NRXN3: variants seen among roughly 807,000 people sequenced by gnomAD.
NRXN3 encodes neurexin III.
NRXN3 carries 32 observed loss-of-function variants against 137.6 expected under a neutral mutation model. That is an observed-to-expected ratio of 0.23 (90% confidence interval 0.18 to 0.31). The LOEUF is 0.31. Ranked by LOEUF, NRXN3 falls within the 10% of genes least tolerant of loss-of-function variation. NRXN3 has a pLI of 1.00. For synonymous variants in NRXN3, 798 were observed against 784.5 expected, an observed-to-expected ratio of 1.02 and a Z score of -0.29; for missense variants, 1,574 against 2,062.5, an observed-to-expected ratio of 0.76 and a Z score of 4.59.
chr14:79,530,865 G>T (rs2097163849), intron 16 of NRXN3, among the ~76,000 whole-genome samples: 1 of 152,050 alleles, frequency 6.6e-6, no homozygotes, highest in African/African-American at 2.4e-5. Flanking sequence ...CCTTTTTCTT[G>T]AATTGATGGA....
chr14:79,681,743 ATT>A (rs113416580), intron 17 of NRXN3, among the ~76,000 whole-genome samples: 31 of 142,656 alleles, frequency 2.2e-4, no homozygotes, highest in African/African-American at 5.1e-4. Context: ...GATTGTAGCT[ATT>A]TTTTTTTTTT....
chr14:78,730,334 T>A (rs1052741849), intron 8 of NRXN3, among the ~76,000 whole-genome samples: 1 of 152,150 alleles, frequency 6.6e-6, no homozygotes, highest in Non-Finnish European at 1.5e-5. Context: ...CACTCCCTTT[T>A]TATTCACCCC....
chr14:78,576,835 G>A (rs533270399), intron 4 of NRXN3, among the ~76,000 whole-genome samples: 3 of 152,286 alleles, frequency 2.0e-5, no homozygotes, highest in African/African-American at 7.2e-5. Flanking sequence ...AGACACCCTT[G>A]TTTCAAGGCT....
intron 19 of NRXN3, among the ~76,000 whole-genome samples, chr14:79,741,757 A>G (rs1010343267): frequency 2.6e-5 from 4 of 151,806 alleles, no homozygotes; most frequent in African/African-American, 9.7e-5. Context: ...CAGTGCTGGT[A>G]TTACAGGTGT....
intron 6 of NRXN3, among the ~76,000 whole-genome samples, chr14:78,702,248 A>G (rs1008045621): frequency 2.0e-5 from 3 of 151,844 alleles, no homozygotes; most frequent in Admixed American, 6.6e-5. Flanking sequence ...TTAAGTATAT[A>G]CAATTTATAA....
intron 4 of NRXN3, among the ~76,000 whole-genome samples, chr14:78,528,269 A>T (rs2096409145): frequency 6.6e-6 from 1 of 152,056 alleles, no homozygotes; most frequent in East Asian, 1.9e-4. Context: ...GAGGTGATTG[A>T]TTTTCAGTGG....
intron 10 of NRXN3, among the ~76,000 whole-genome samples, chr14:78,839,596 C>A (rs2099006363): frequency 6.6e-6 from 1 of 152,146 alleles, no homozygotes; most frequent in African/African-American, 2.4e-5. Flanking sequence ...GCTGGATGGA[C>A]AGACTACTCT....
chr14:79,272,398 C>T (rs1328003745), intron 15 of NRXN3, among the ~76,000 whole-genome samples: 2 of 151,948 alleles, frequency 1.3e-5, no homozygotes, highest in Non-Finnish European at 2.9e-5. Context: ...TCTTTGTATC[C>T]TGAGTGGAAC....
chr14:79,673,858 C>T (rs1176477867), intron 17 of NRXN3, among the ~76,000 whole-genome samples: 14 of 152,086 alleles, frequency 9.2e-5, no homozygotes, highest in South Asian at 2.1e-4. Context: ...TGCAGTAGCC[C>T]CAAGGGGTAG....
intron 10 of NRXN3, among the ~76,000 whole-genome samples, chr14:78,845,399 A>G (rs1567492459): frequency 6.6e-6 from 1 of 152,110 alleles, no homozygotes. Context: ...CAAAACATAA[A>G]CTTTTAATAT....
chr14:79,315,393 C>T (rs1000672518), intron 15 of NRXN3, among the ~76,000 whole-genome samples: 1 of 152,086 alleles, frequency 6.6e-6, no homozygotes, highest in Non-Finnish European at 1.5e-5. Flanking sequence ...AGGACCAATG[C>T]TCCATCCTAT....
chr14:79,657,768 T>C (rs781243851), intron 16 of NRXN3, among the ~76,000 whole-genome samples: 2 of 152,236 alleles, frequency 1.3e-5, no homozygotes, highest in Non-Finnish European at 2.9e-5. Context: ...CTGTAACTCA[T>C]CTTTTTGTAT....
intron 17 of NRXN3, among the ~76,000 whole-genome samples, chr14:79,678,069 T>C (rs1053323993): frequency 6.6e-6 from 1 of 152,174 alleles, no homozygotes; most frequent in Non-Finnish European, 1.5e-5. Flanking sequence ...ATCAATATAA[T>C]TGTACTTTGT....
intron 16 of NRXN3, among the ~76,000 whole-genome samples, chr14:79,540,186 C>T (rs931970407): frequency 6.6e-6 from 1 of 151,986 alleles, no homozygotes; most frequent in Non-Finnish European, 1.5e-5. Flanking sequence ...GATGAAGAGA[C>T]TTGAAACAAC....
intron 8 of NRXN3, among the ~76,000 whole-genome samples, chr14:78,740,542 TTC>T (rs1294736179): frequency 1.9e-5 from 2 of 106,712 alleles, no homozygotes; most frequent in Non-Finnish European, 4.9e-5. Flanking sequence ...CTCTTTTCTT[TTC>T]TTTTTTTTTT....
chr14:79,239,740 A>G (rs747042761), intron 15 of NRXN3, among the ~76,000 whole-genome samples: 2 of 152,170 alleles, frequency 1.3e-5, no homozygotes, highest in Admixed American at 6.5e-5. Flanking sequence ...AGCCAAGATA[A>G]AGAGTCAACC....
Position 79,637,729 on chromosome 14 carries a change from C to CT in NRXN3, c.3445-26031dup, listed in dbSNP as rs554654576. 5.1e-3 allele frequency among the ~76,000 whole-genome samples: 492 copies of CT among 95,594 alleles called. 21 individuals carry two copies. Among genetic ancestry groups the CT allele is most frequent in the Middle Eastern group, 8.6e-3 (1 of 116 alleles). 62.7% of individuals were successfully genotyped at this position (95,594 alleles called of 152,430 possible). A position where few individuals can be genotyped will look rare whatever the true frequency, so the allele number is the denominator to read the frequency against. ...AACTGATGTAAGATATAGAAAAGTT[C>CT]TTTTTTTTTTTTTTTTTTGAGATGG... On this transcript the variant is annotated intron_variant, in intron 16 of 20. Transcript: ENST00000335750.
At chr14:79,805,848 T>C (rs2099202651) in intron 20 of NRXN3, among the ~76,000 whole-genome samples, 1 of 152,312 alleles carries the variant, frequency 6.6e-6, no homozygotes, top group South Asian at 2.1e-4. Context: ...AAAATGTATC[T>C]ACTGTGCTGA....
At chr14:78,238,658 A>G (rs952525543) in intron 1 of NRXN3, among the ~76,000 whole-genome samples, 3 of 152,384 alleles carry the variant, frequency 2.0e-5, no homozygotes, top group Admixed American at 2.0e-4. Flanking sequence ...TGGATAGACC[A>G]TAGAGGGTTA....
Sources: allele counts gnomAD v4.1 joint callset (sites outside exome capture counted in the v4.1 genomes callset), GRCh38; gene constraint gnomAD v4.1.1; transcripts MANE v1.5; gene names NCBI Gene and HGNC (gene_info 2026-07-23, HGNC 2026-07-21).